GPC6: variants seen among roughly 807,000 people sequenced by gnomAD.
GPC6 encodes the protein glypican-6.
In GPC6, 14 loss-of-function variants were observed where a neutral mutation model predicts 55.2. That is an observed-to-expected ratio of 0.25 (90% CI 0.17 to 0.40). The LOEUF is 0.40. Ranked by LOEUF, GPC6 falls within the 10% of genes least tolerant of loss-of-function variation. The probability of loss-of-function intolerance (pLI) is 1.00; values close to 1 mark genes in which losing one functional copy is unlikely to be tolerated. For missense variants in GPC6, 641 were observed against 708.5 expected (o/e 0.90, Z 1.08); for synonymous variants, 278 against 259.6 (o/e 1.07, Z -0.68).
chr13:93,635,316 A>G (rs894516713), intron 2 of GPC6, among the ~76,000 whole-genome samples: 2 of 152,142 alleles, frequency 1.3e-5, no homozygotes, highest in African/African-American at 4.8e-5. Flanking sequence ...TGGACACATT[A>G]TACCCAGCAC....
chr13:93,287,569 G>C (rs965721982), intron 1 of GPC6, among the ~76,000 whole-genome samples: 12 of 152,200 alleles, frequency 7.9e-5, no homozygotes, highest in African/African-American at 2.9e-4. Context: ...CCATTCAAAA[G>C]ATATGAGAGA....
At chr13:94,257,987 T>A (rs1013835443) in intron 4 of GPC6, among the ~76,000 whole-genome samples, 4 of 152,116 alleles carry the variant, frequency 2.6e-5, no homozygotes, top group African/African-American at 9.7e-5. Context: ...AGAATCCCAA[T>A]ATAGTTGGGT....
intron 6 of GPC6, among the ~76,000 whole-genome samples, chr13:94,338,881 AATATCG>A (rs2139152922): frequency 6.6e-6 from 1 of 152,202 alleles, no homozygotes; most frequent in South Asian, 2.1e-4. Context: ...AAATGGCCCT[AATATCG>A]AGCTGGTCAG....
chr13:93,539,079 A>G (rs1260285528), intron 1 of GPC6, among the ~76,000 whole-genome samples: 1 of 152,220 alleles, frequency 6.6e-6, no homozygotes, highest in African/African-American at 2.4e-5. Flanking sequence ...TTTTGTTATT[A>G]AGAAAAATAA....
At chr13:94,308,508 G>A (rs1317061728) in intron 6 of GPC6, among the ~76,000 whole-genome samples, 1 of 152,160 alleles carries the variant, frequency 6.6e-6, no homozygotes, top group Non-Finnish European at 1.5e-5. Context: ...GATTGGTAAT[G>A]GTTAAACGTA....
chr13:93,304,452 A>G (rs1003755453), intron 1 of GPC6, among the ~76,000 whole-genome samples: 3 of 152,190 alleles, frequency 2.0e-5, no homozygotes, highest in Admixed American at 6.5e-5. Flanking sequence ...GAAAATCTCT[A>G]GAATCTTCCA....
At chr13:93,740,650 T>C (rs1884169333) in intron 2 of GPC6, among the ~76,000 whole-genome samples, 1 of 152,232 alleles carries the variant, frequency 6.6e-6, no homozygotes, top group Non-Finnish European at 1.5e-5. Context: ...TGATCATATT[T>C]CAAAGCTTTT....
chr13:93,981,380 G>C (rs1011780535), intron 3 of GPC6, among the ~76,000 whole-genome samples: 1 of 152,168 alleles, frequency 6.6e-6, no homozygotes, highest in Non-Finnish European at 1.5e-5. Flanking sequence ...ATGTTATTTA[G>C]TGAAAGAGTT....
At chr13:93,521,886 T>C (rs1001101879) in intron 1 of GPC6, among the ~76,000 whole-genome samples, 3 of 152,102 alleles carry the variant, frequency 2.0e-5, no homozygotes, top group Middle Eastern at 3.4e-3. Flanking sequence ...TATCATATGC[T>C]AGGTTTTAGG....
intron 2 of GPC6, among the ~76,000 whole-genome samples, chr13:93,676,599 C>T (rs1881643141): frequency 6.6e-6 from 1 of 151,882 alleles, no homozygotes; most frequent in Admixed American, 6.6e-5. Context: ...ACAGCCACAG[C>T]CAGTAGATGA....
chr13:93,547,214 C>T (rs1336264332), intron 2 of GPC6, among the ~76,000 whole-genome samples: 1 of 151,552 alleles, frequency 6.6e-6, no homozygotes, highest in Non-Finnish European at 1.5e-5. Flanking sequence ...GGCGTGGTGC[C>T]AGGCGCCTGT....
At chr13:94,356,800 G>A (rs1878818123) in intron 6 of GPC6, among the ~76,000 whole-genome samples, 1 of 152,192 alleles carries the variant, frequency 6.6e-6, no homozygotes, top group African/African-American at 2.4e-5. Context: ...TACTTGGAAG[G>A]TTGAGGCGGG....
chr13:93,771,770 G>A (rs1394999145), intron 2 of GPC6, among the ~76,000 whole-genome samples: 1 of 151,334 alleles, frequency 6.6e-6, no homozygotes, highest in African/African-American at 2.4e-5. Context: ...GATAGGAAAG[G>A]AATGTGAATC....
chr13:93,366,997 T>C (rs529251479), intron 1 of GPC6, among the ~76,000 whole-genome samples: 375 of 152,204 alleles, frequency 2.5e-3, no homozygotes, highest in Middle Eastern at 6.8e-3. Context: ...CTATTCTTAA[T>C]GCTGGGAATG....
At chr13:94,090,058 T>C (rs1247825991) in intron 4 of GPC6, among the ~76,000 whole-genome samples, 2 of 130,770 alleles carry the variant, frequency 1.5e-5, no homozygotes, top group East Asian at 4.6e-4. Context: ...TATGAAAAAA[T>C]ACCCAAGACT....
chr13:93,811,079 T>G (rs1364026343), intron 2 of GPC6, among the ~76,000 whole-genome samples: 1 of 152,226 alleles, frequency 6.6e-6, no homozygotes, highest in Non-Finnish European at 1.5e-5. Context: ...TTGTATTCAT[T>G]TAAGTGAATT....
At chr13:94,069,263 C>T (rs1340418517) in intron 4 of GPC6, among the ~76,000 whole-genome samples, 3 of 152,190 alleles carry the variant, frequency 2.0e-5, no homozygotes, top group Non-Finnish European at 4.4e-5. Flanking sequence ...ACCTTGGTCC[C>T]TTTTAGTCAT....
intron 1 of GPC6, among the ~76,000 whole-genome samples, chr13:93,416,795 G>A (rs938587736): frequency 5.9e-5 from 9 of 151,826 alleles, no homozygotes; most frequent in Non-Finnish European, 1.3e-4. Context: ...AAGGACACAG[G>A]GCAACCCCCC....
intron 1 of GPC6, among the ~76,000 whole-genome samples, chr13:93,231,792 GA>G (rs940265017): frequency 4.7e-5 from 7 of 150,500 alleles, no homozygotes; most frequent in South Asian, 2.1e-4. Context: ...CCACAGATTA[GA>G]AAAAAAAATG....
Sources: allele counts gnomAD v4.1 joint callset (sites outside exome capture counted in the v4.1 genomes callset), GRCh38; gene constraint gnomAD v4.1.1; transcripts MANE v1.5; gene names NCBI Gene and HGNC (gene_info 2026-07-23, HGNC 2026-07-21).